Variants in CEACAM1 observed in about 807,000 individuals in gnomAD.
The protein encoded by CEACAM1 is cell adhesion molecule CEACAM1.
A neutral mutation model predicts 49.1 loss-of-function variants in CEACAM1; 31 were observed. The ratio of observed to expected loss-of-function variants is 0.63; its 90% CI spans 0.47 to 0.85. CEACAM1 has a LOEUF of 0.85. Ranked by LOEUF, CEACAM1 falls within the 40% of genes least tolerant of loss-of-function variation. The pLI is 0.00. For missense variants in CEACAM1, 570 were observed against 645.3 expected, an observed-to-expected ratio of 0.88 and a Z score of 1.26; for synonymous variants, 244 against 247.8, an observed-to-expected ratio of 0.98 and a Z score of 0.14.
At chr19:42,520,186 A>G (rs987165314) in intron 4 of CEACAM1, among the ~76,000 whole-genome samples, 2 of 152,146 alleles carry the variant, frequency 1.3e-5, no homozygotes, top group African/African-American at 2.4e-5. Context: ...ATTCTCTCCA[A>G]TGCAGAGCCC....
rs112225818 is a variant in CEACAM1, at chr19:42,523,344, C to T, written c.425-1142G>A. 1.1e-3 allele frequency among the ~76,000 whole-genome samples: 174 copies of T among 152,322 alleles called. 4 individuals carry two copies. Among genetic ancestry groups the T allele is most frequent in the African/African-American group, 3.7e-3 (155 of 41,552 alleles). On this transcript the variant is annotated intron_variant, in intron 2 of 8. Transcript: ENST00000161559. ...GGGGCAAGCCTGAAGGTAGCTCAGT[C>T]GTCAGGCAGCAGAACCACAAGGTGG...
At chr19:42,519,390 T>G in intron 4 of CEACAM1, 155 bp from the exon 5 acceptor site, 1 of 685,900 alleles carries the variant, frequency 1.5e-6, no homozygotes, top group Non-Finnish European at 2.5e-6. Flanking sequence ...CCTGACCCTC[T>G]GCAGAAGGTC....
At position 42,522,069 on chromosome 19, in the gene CEACAM1, C is replaced by A. The variant is rs370929480; in HGVS notation, c.558G>T (p.Pro186=). Residue 186 remains proline (P), a synonymous_variant, in exon 3 of 9, where the codon CCG becomes CCT. Transcript: ENST00000161559. ...TGGACAGCTGCAGCCTGGGACTGAC[C>A]GGGAGGCTCTGATTGTTTATCCACC... ...YLWWINNQSL[P]VSPRLQLSNG... The A allele has an allele frequency of 1.9e-6, 3 of 1,613,084 alleles. No individual in the cohort carries two copies. Among genetic ancestry groups the A allele is most frequent in the Non-Finnish European group, 2.5e-6 (3 of 1,179,026 alleles).
chr19:42,517,472 T>G (rs1285163377), intron 5 of CEACAM1, among the ~76,000 whole-genome samples: 1 of 152,148 alleles, frequency 6.6e-6, no homozygotes, highest in Admixed American at 6.5e-5. Context: ...CTACTGCAAC[T>G]CAACCAAAAA....
rs568222975 is a variant in CEACAM1, at chr19:42,512,596, C to T, written c.1247-117G>A. 516 of 1,024,866 alleles carry T rather than the reference C, an allele frequency of 5.0e-4. 2 individuals carry two copies. Among genetic ancestry groups the T allele is most frequent in the Non-Finnish European group, 6.2e-4 (436 of 699,806 alleles). 63.5% of individuals were successfully genotyped at this position (1,024,866 alleles called of 1,614,324 possible). A position where few individuals can be genotyped will look rare whatever the true frequency, so the allele number is the denominator to read the frequency against. Reference sequence around the variant, plus strand: ...ATTGTTCCTTCAAGGAATACAGTTTCGTTGTGGGAAGGTTGCTGGAAGGTG... The same window carrying T: ...ATTGTTCCTTCAAGGAATACAGTTTTGTTGTGGGAAGGTTGCTGGAAGGTG... On this transcript the variant is annotated intron_variant, in intron 5 of 8. Transcript: ENST00000161559.
chr19:42,511,531 T>TGGTGGAACATACCAGTTC, intron 7 of CEACAM1, 45 bp downstream of exon 7: 1 of 1,514,220 alleles, frequency 6.6e-7, no homozygotes, highest in Non-Finnish European at 9.2e-7. Context: ...GGAGGGCACG[T>TGGTGGAACATACCAGTTC]GGTGGAACAT....
intron 5 of CEACAM1, among the ~76,000 whole-genome samples, chr19:42,517,200 A>T (rs1388605037): frequency 6.6e-6 from 1 of 152,216 alleles, no homozygotes. Context: ...AAAAGACCTA[A>T]ATGTAAGAGC....
intron 2 of CEACAM1, among the ~76,000 whole-genome samples, chr19:42,524,323 G>A (rs1249591599): frequency 6.6e-6 from 1 of 152,224 alleles, no homozygotes; most frequent in East Asian, 1.9e-4. Context: ...AACCACTAGA[G>A]GATGTGAGCC....
In CEACAM1 at chr19:42,519,241, G is replaced by C. The variant is rs2041679503; in HGVS notation, c.959-6C>G. ...TGCTACTACTGGACTTAGCTCTGTGGACAAGCAGAGTATCTGAGATAACCT... is the reference window on the plus strand; with the variant it reads ...TGCTACTACTGGACTTAGCTCTGTGCACAAGCAGAGTATCTGAGATAACCT... On this transcript the variant is annotated splice_polypyrimidine_tract_variant and splice_region_variant and intron_variant, in intron 4 of 8. Coordinates refer to ENST00000161559, the MANE Select transcript of CEACAM1 (RefSeq NM_001712.5). 1 of 1,613,542 alleles carries C rather than the reference G, an allele frequency of 6.2e-7. No individual in the cohort carries two copies. The highest frequency in any genetic ancestry group is 8.5e-7 in the Non-Finnish European group (1 of 1,179,906).
chr19:42,512,495 A>G lies in CEACAM1; in HGVS notation c.1247-16T>C, dbSNP rs1221870002. On this transcript the variant is annotated splice_polypyrimidine_tract_variant and intron_variant, in intron 5 of 8. Coordinates refer to ENST00000161559, the MANE Select transcript of CEACAM1 (RefSeq NM_001712.5). Reference sequence around the variant, plus strand: ...AGAGCATTATCTGTCATGGAGAGAAAAGAGGAGAAGAAATGAAAGTGAAAT... The same window carrying G: ...AGAGCATTATCTGTCATGGAGAGAAGAGAGGAGAAGAAATGAAAGTGAAAT... The G allele has an allele frequency of 6.2e-7, 1 of 1,610,548 alleles. No homozygotes were observed. Among genetic ancestry groups the G allele is most frequent in the Non-Finnish European group, 8.5e-7 (1 of 1,177,388 alleles).
intron 5 of CEACAM1, among the ~76,000 whole-genome samples, chr19:42,512,927 A>G (rs773595391): frequency 7.2e-5 from 11 of 152,002 alleles, no homozygotes; most frequent in Non-Finnish European, 1.3e-4. Flanking sequence ...CGGCCTCCCA[A>G]AGTGCTTGGA....
intron 4 of CEACAM1, among the ~76,000 whole-genome samples, chr19:42,519,648 C>A (rs576882123): frequency 4.0e-5 from 6 of 151,500 alleles, no homozygotes; most frequent in African/African-American, 1.5e-4. Context: ...CAGCTCACTG[C>A]AAGCTCTGCC....
In CEACAM1 at chr19:42,518,980, T is replaced by C. The variant is rs2041670772; in HGVS notation, c.1214A>G (p.Asn405Ser). ...WCEVFNPISK[N>S]QSDPIMLNVN... is the part of the protein sequence containing the mutation. ...GTTCAGCATGATGGGGTCGCTTTGG[T>C]TCTTACTGATTGGGTTGAAGACCTC... Residue 405 changes from asparagine to serine, a missense_variant, in exon 5 of 9, where the codon AAC becomes AGC. By Grantham distance (46) the Asn-to-Ser change is conservative. Transcript: ENST00000161559. 1.9e-6 allele frequency: 3 copies of C among 1,613,520 alleles called. No homozygotes were observed. Among genetic ancestry groups the C allele is most frequent in the Non-Finnish European group, 2.5e-6 (3 of 1,179,726 alleles).
rs143345619 is a variant in CEACAM1, at chr19:42,518,998, A to C, written c.1196T>G (p.Phe399Cys). ...EDAGTYWCEV[F>C]NPISKNQSDP... is the part of the protein sequence containing the mutation. ...GCTTTGGTTCTTACTGATTGGGTTGAAGACCTCACACCAATACGTCCCAGC... is the reference window on the plus strand; with the variant it reads ...GCTTTGGTTCTTACTGATTGGGTTGCAGACCTCACACCAATACGTCCCAGC... The change falls in exon 5 of 9, where the codon TTC becomes TGC. Residue 399 changes from phenylalanine (F) to cysteine (C), a missense_variant. Physicochemically the swap from Phe to Cys is radical, Grantham distance 205. Coordinates refer to ENST00000161559, the MANE Select transcript of CEACAM1 (RefSeq NM_001712.5). 3.8e-6 allele frequency: 6 copies of C among 1,572,090 alleles called. No individual in the cohort carries two copies. The highest frequency in any genetic ancestry group is 1.4e-5 in the African/African-American group (1 of 73,354).
At position 42,522,185 on chromosome 19, in the gene CEACAM1, A is replaced by T; in HGVS notation, c.442T>A (p.Ser148Thr). Residue 148 changes from serine (S) to threonine (T), a missense_variant, in exon 3 of 9, where the codon TCC (serine) becomes ACC (threonine). Physicochemically the swap from Ser to Thr is moderately conservative, Grantham distance 58. Coordinates refer to ENST00000161559, the MANE Select transcript of CEACAM1 (RefSeq NM_001712.5). ...GGGTTGGAGTTGTTGCTGGAGATGG[A>T]GGGCTTGGGCAGCTCCGCTATGCAG... ...FHVYPELPKP[S>T]ISSNNSNPVE... 1 of 1,614,232 alleles carries T rather than the reference A, an allele frequency of 6.2e-7. No homozygotes were observed. The highest frequency in any genetic ancestry group is 8.5e-7 in the Non-Finnish European group (1 of 1,180,042).
In CEACAM1 at chr19:42,527,262, T is replaced by G; in HGVS notation, c.203A>C (p.Tyr68Ser). The G allele has an allele frequency of 1.2e-6, 2 of 1,614,094 alleles. No individual in the cohort carries two copies. The highest frequency in any genetic ancestry group is 1.7e-6 in the Non-Finnish European group (2 of 1,179,984). ...GTTGCCATCCACTCTTTCCCCTTTG[T>G]ACCAGCTGTAGCCAAAAAGTTGCTG... ...LPQQLFGYSW[Y>S]KGERVDGNRQ... Residue 68 changes from tyrosine (Y) to serine (S), a missense_variant, in exon 2 of 9, where the codon TAC (tyrosine) becomes TCC (serine). Physicochemically the swap from Tyr to Ser is moderately radical, Grantham distance 144 (BLOSUM62 -2). Coordinates refer to ENST00000161559, the MANE Select transcript of CEACAM1 (RefSeq NM_001712.5).
Position 42,518,989 on chromosome 19 carries a change from A to T in CEACAM1, c.1205T>A (p.Ile402Asn). 2 of 1,612,114 alleles carry T rather than the reference A, an allele frequency of 1.2e-6. No homozygotes were observed. The highest frequency in any genetic ancestry group is 1.7e-6 in the Non-Finnish European group (2 of 1,179,216). The change falls in exon 5 of 9, where the codon ATC (isoleucine) becomes AAC (asparagine). Residue 402 changes from isoleucine to asparagine, a missense_variant. By Grantham distance (149) the Ile-to-Asn change is moderately radical. Coordinates refer to ENST00000161559, the MANE Select transcript of CEACAM1 (RefSeq NM_001712.5). ...GATGGGGTCGCTTTGGTTCTTACTG[A>T]TTGGGTTGAAGACCTCACACCAATA... ...GTYWCEVFNP[I>N]SKNQSDPIML...
intron 1 of CEACAM1, chr19:42,527,638 G>C (rs1423010421): frequency 1.9e-6 from 1 of 514,028 alleles, no homozygotes; most frequent in African/African-American, 1.9e-5. Flanking sequence ...CCAGGGATCC[G>C]CATGGCTCCC....
Position 42,518,973 on chromosome 19 carries a change from G to T in CEACAM1, c.1221C>A (p.Ser407Arg). ...EVFNPISKNQSDPIMLNVNYN... is the reference protein window; with the variant it reads ...EVFNPISKNQRDPIMLNVNYN... ...AGTTTACGTTCAGCATGATGGGGTC[G>T]CTTTGGTTCTTACTGATTGGGTTGA... Residue 407 changes from serine (S) to arginine (R), a missense_variant, in exon 5 of 9, where the codon AGC becomes AGA. By Grantham distance (110) the Ser-to-Arg change is moderately radical. Coordinates refer to ENST00000161559, the MANE Select transcript of CEACAM1 (RefSeq NM_001712.5). The T allele has an allele frequency of 6.2e-7, 1 of 1,614,174 alleles. No homozygotes were observed. Among genetic ancestry groups the T allele is most frequent in the East Asian group, 2.2e-5 (1 of 44,872 alleles).
Sources: allele counts gnomAD v4.1 joint callset (sites outside exome capture counted in the v4.1 genomes callset), GRCh38; gene constraint gnomAD v4.1.1; transcripts MANE v1.5; gene names NCBI Gene and HGNC (gene_info 2026-07-23, HGNC 2026-07-21).